UBXN6: variants seen among roughly 807,000 people sequenced by gnomAD.
UBXN6 encodes the protein UBX domain protein 6.
A neutral mutation model predicts 51.4 loss-of-function variants in UBXN6; 44 were observed. The observed-to-expected ratio is 0.86, with a 90% CI of 0.67 to 1.10. The LOEUF is 1.10. Ranked by LOEUF, UBXN6 falls within the 50% of genes least tolerant of loss-of-function variation. The pLI, the probability that UBXN6 is intolerant of heterozygous loss-of-function variation, is 0.00. For synonymous variants in UBXN6, 316 were observed against 263.2 expected, an observed-to-expected ratio of 1.20 and a Z score of -1.94; for missense variants, 672 against 596.1, an observed-to-expected ratio of 1.13 and a Z score of -1.32.
chr19:4,445,589 A>C lies in UBXN6; in HGVS notation c.1235T>G (p.Met412Arg). The change falls in exon 11 of 11, where the codon ATG becomes AGG. Residue 412 changes from methionine (M) to arginine (R), a missense_variant. Met to Arg is a moderately conservative substitution (Grantham distance 91). Transcript: ENST00000301281. ...GGCCTTGATGTCCTCCAGCACAGCC[A>C]TGTCCCACGAGAAGGTCAGGAGGGC... ...PSALLTFSWD[M>R]AVLEDIKAAG... is the part of the protein sequence containing the mutation. The C allele has an allele frequency of 6.2e-7, 1 of 1,613,710 alleles. No homozygotes were observed. Among genetic ancestry groups the C allele is most frequent in the East Asian group, 2.2e-5 (1 of 44,886 alleles).
chr19:4,448,505 G>C lies in UBXN6; in HGVS notation c.442-90C>G, dbSNP rs1006033416. 4 of 1,096,062 alleles carry C rather than the reference G, an allele frequency of 3.6e-6. No homozygotes were observed. In the African/African-American group the frequency reaches 6.2e-5, roughly 17 times the overall value. 67.9% of individuals were successfully genotyped at this position (1,096,062 alleles called of 1,614,324 possible). On this transcript the variant is annotated intron_variant, in intron 4 of 10. Transcript: ENST00000301281. ...CAGGTAACAGGGGCAGGAAAAGGAA[G>C]GCAGAACAGCGGCTTGGAGCGGCCC...
Position 4,446,307 on chromosome 19 carries a change from GGC to G in UBXN6, c.1025_1026del (p.Arg342ProfsTer36). The G allele has an allele frequency of 3.2e-6, 5 of 1,572,988 alleles. No homozygotes were observed. Among genetic ancestry groups the G allele is most frequent in the Non-Finnish European group, 4.3e-6 (5 of 1,164,448 alleles). Reference protein sequence around the residue: ...RKYNYTLLRVRLPDGCLLQGT... With the variant: ...RKYNYTLLRVXLPDGCLLQGT... ...CCCTGCAGGAGGCAGCCATCGGGGA[GGC>G]GCACGCGCAGCAGCGTGTAGTTGTA... On this transcript the variant is annotated frameshift_variant, in exon 9 of 11. Coordinates refer to ENST00000301281, the MANE Select transcript of UBXN6 (RefSeq NM_025241.3). LOFTEE classifies it high-confidence loss of function.
intron 4 of UBXN6, 124 bp from the exon 5 acceptor site, chr19:4,448,539 C>T (rs377074858): frequency 7.3e-5 from 56 of 765,058 alleles, no homozygotes; most frequent in African/African-American, 5.7e-4. Context: ...CCCAGCTGTG[C>T]GCTCATCACA....
chr19:4,446,794 C>A lies in UBXN6; in HGVS notation c.700+42G>T, dbSNP rs773031256. On this transcript the variant is annotated intron_variant, in intron 7 of 10. Transcript: ENST00000301281. ...AGCCGGGCCCTCCTGCCCCGAGGCC[C>A]CTCGTCCCCATTCCCTACTCAGCCA... The A allele has an allele frequency of 1.9e-6, 3 of 1,613,776 alleles. No homozygotes were observed. In the East Asian group the frequency reaches 6.7e-5, roughly 36 times the overall value.
upstream of UBXN6, chr19:4,457,795 T>G (rs12977256): frequency 1.1e-4 from 3 of 28,078 alleles, no homozygotes; most frequent in South Asian, 5.2e-4. Context: ...GGAAGAAAAT[T>G]AAAAAAAAAA....
At chr19:4,448,503 A>C (rs540937353) in intron 4 of UBXN6, 88 bp from the exon 5 acceptor site, 5 of 1,105,514 alleles carry the variant, frequency 4.5e-6, no homozygotes, top group Admixed American at 2.0e-5. Flanking sequence ...CAGGAAAAGG[A>C]AGGCAGAACA....
intron 1 of UBXN6, 110 bp downstream of exon 1, chr19:4,457,505 G>T (rs1974756372): frequency 1.3e-6 from 1 of 792,878 alleles, no homozygotes; most frequent in Non-Finnish European, 1.6e-6. Flanking sequence ...CTCGCGTGCC[G>T]CTCCCAGCCC....
chr19:4,452,311 C>A, intron 4 of UBXN6, 53 bp downstream of exon 4: 1 of 1,596,220 alleles, frequency 6.3e-7, no homozygotes. Flanking sequence ...TGGAGGGTGG[C>A]TCAGGCACAG....
In UBXN6 at chr19:4,446,079, G is replaced by A. The variant is rs916216165; in HGVS notation, c.1170C>T (p.Asp390=). 1.9e-5 allele frequency: 30 copies of A among 1,612,534 alleles called. No individual in the cohort carries two copies. The highest frequency in any genetic ancestry group is 1.5e-4 in the South Asian group (14 of 91,040). ...CGCACTCGTTCAAGGCCAGGTTCTC[G>A]TCCTCGGACAGCTTCTGCCCTCCCG... ...LASGGQKLSE[D]ENLALNECGL... The change falls in exon 10 of 11, where the codon GAC becomes GAT. Residue 390 remains aspartate (D), a synonymous_variant. Transcript: ENST00000301281.
chr19:4,445,665 C>T (rs1339116366), intron 10 of UBXN6, 42 bp from the exon 11 acceptor site: 3 of 1,590,374 alleles, frequency 1.9e-6, no homozygotes, highest in Non-Finnish European at 2.6e-6. Flanking sequence ...CGAGAGTCGG[C>T]CCTTGCCGCG....
intron 4 of UBXN6, among the ~76,000 whole-genome samples, chr19:4,451,910 G>A (rs959564278): frequency 6.6e-6 from 1 of 152,074 alleles, no homozygotes; most frequent in African/African-American, 2.4e-5. Context: ...AGCACTTTGG[G>A]AGGCTGAGGC....
At chr19:4,453,573 G>A (rs763489258) in intron 2 of UBXN6, 51 bp from the exon 3 acceptor site, 42 of 1,590,806 alleles carry the variant, frequency 2.6e-5, no homozygotes, top group East Asian at 1.4e-4. Flanking sequence ...TGAGCACGCC[G>A]CTGTCCTGGC....
intron 10 of UBXN6, 88 bp downstream of exon 10, chr19:4,445,961 G>A: frequency 1.3e-6 from 2 of 1,508,318 alleles, no homozygotes; most frequent in Non-Finnish European, 1.8e-6. Flanking sequence ...TGAGAACAAG[G>A]AGGCTCCCTC....
At chr19:4,455,239 TGCCGTA>T (rs935225816) in intron 1 of UBXN6, 1 of 985,376 alleles carries the variant, frequency 1.0e-6, no homozygotes, top group African/African-American at 1.7e-5. Flanking sequence ...TCAATTTCTG[TGCCGTA>T]GGTCTATTAA....
rs770632078 is a variant in UBXN6 at position 4,453,526 on chromosome 19, G to A, written c.248-4C>T. ...TCGGCTTGAAGTTCCTTTCTCACTG[G>A]AAGGCAGCCCAAGAAAGAGAGGCAG... On this transcript the variant is annotated splice_polypyrimidine_tract_variant and splice_region_variant and intron_variant, in intron 2 of 10. Transcript: ENST00000301281. The A allele has an allele frequency of 6.2e-7, 1 of 1,613,474 alleles. No homozygotes were observed. Among genetic ancestry groups the A allele is most frequent in the South Asian group, 1.1e-5 (1 of 90,952 alleles).
chr19:4,453,505 C>T lies in UBXN6; in HGVS notation c.265G>A (p.Ala89Thr), dbSNP rs1207496020. 1 of 1,613,840 alleles carries T rather than the reference C, an allele frequency of 6.2e-7. No individual in the cohort carries two copies. Reference protein sequence around the residue: ...IRNQVRKELQAEATVSGSPEA... With the variant: ...IRNQVRKELQTEATVSGSPEA... ...GGGCTCCCGCTGACGGTGGCTTCGG[C>T]TTGAAGTTCCTTTCTCACTGGAAGG... is the stretch of plus-strand genomic sequence containing the variant. The change falls in exon 3 of 11, where the codon GCC (alanine) becomes ACC (threonine). Residue 89 changes from alanine (A) to threonine (T), a missense_variant. Ala to Thr is a moderately conservative substitution (Grantham distance 58, BLOSUM62 0). Transcript: ENST00000301281.
intron 4 of UBXN6, 143 bp downstream of exon 4, chr19:4,452,221 G>T: frequency 3.5e-6 from 4 of 1,155,746 alleles, no homozygotes; most frequent in Admixed American, 2.4e-5. Context: ...GCCTGGATTT[G>T]GGGTATCAGA....
intron 1 of UBXN6, among the ~76,000 whole-genome samples, chr19:4,456,967 C>T (rs1435207520): frequency 6.6e-6 from 1 of 152,076 alleles, no homozygotes; most frequent in Non-Finnish European, 1.5e-5. Flanking sequence ...CCCCGGCCTC[C>T]CTGGCCTTCC....
chr19:4,451,000 A>G (rs1974644486), intron 4 of UBXN6, among the ~76,000 whole-genome samples: 1 of 152,116 alleles, frequency 6.6e-6, no homozygotes, highest in Non-Finnish European at 1.5e-5. Flanking sequence ...TTTTGCACAC[A>G]CTGCTGGAGT....
Sources: allele counts gnomAD v4.1 joint callset (sites outside exome capture counted in the v4.1 genomes callset), GRCh38; gene constraint gnomAD v4.1.1; transcripts MANE v1.5; gene names NCBI Gene and HGNC (gene_info 2026-07-23, HGNC 2026-07-21).